The following ERN1 variants were observed in gnomAD, a reference collection of about 807,000 sequenced individuals.
The protein encoded by ERN1 is endoplasmic reticulum to nucleus signaling 1.
In ERN1, 39 loss-of-function variants were observed where a neutral mutation model predicts 113.1. The observed-to-expected ratio is 0.34, with a 90% CI of 0.27 to 0.45. The LOEUF (loss-of-function observed/expected upper bound fraction) is 0.45. ERN1 is among the 20% of genes least tolerant of loss of function. The pLI is 1.00. For missense variants in ERN1, 976 were observed against 1,274.8 expected, an observed-to-expected ratio of 0.77 and a Z score of 3.57; for synonymous variants, 507 against 515.9, an observed-to-expected ratio of 0.98 and a Z score of 0.23.
intron 2 of ERN1, among the ~76,000 whole-genome samples, chr17:64,097,347 A>AC (rs2143451815): frequency 6.6e-6 from 1 of 152,348 alleles, no homozygotes; most frequent in South Asian, 2.1e-4. Flanking sequence ...AAGGAAAAAC[A>AC]TTGGCTGTGC....
intron 2 of ERN1, chr17:64,097,813 T>C (rs931276250): frequency 3.9e-6 from 1 of 257,824 alleles, no homozygotes; most frequent in African/African-American, 2.2e-5. Context: ...TAGTGCAGCA[T>C]GTCTTCATAA....
intron 2 of ERN1, among the ~76,000 whole-genome samples, chr17:64,086,865 T>C (rs535024001): frequency 7.2e-5 from 11 of 152,058 alleles, no homozygotes; most frequent in Admixed American, 5.9e-4. Context: ...AGGCTGGTCT[T>C]GAATTCCTGA....
intron 2 of ERN1, among the ~76,000 whole-genome samples, chr17:64,094,381 T>A (rs1387318596): frequency 6.6e-6 from 1 of 152,230 alleles, no homozygotes; most frequent in Non-Finnish European, 1.5e-5. Context: ...AAAAAAATAC[T>A]TTCCTATTAT....
chr17:64,113,229 T>C (rs568592624), intron 1 of ERN1, among the ~76,000 whole-genome samples: 29 of 152,344 alleles, frequency 1.9e-4, no homozygotes, highest in African/African-American at 7.0e-4. Flanking sequence ...ATGAGAACTG[T>C]GCAGCTGTGT....
intron 1 of ERN1, among the ~76,000 whole-genome samples, chr17:64,119,305 T>A (rs1914888796): frequency 6.6e-6 from 1 of 151,502 alleles, no homozygotes; most frequent in Non-Finnish European, 1.5e-5. Context: ...TCCATTAAAT[T>A]ACCTGCTCTT....
intron 1 of ERN1, among the ~76,000 whole-genome samples, chr17:64,100,899 G>T (rs1914367187): frequency 6.6e-6 from 1 of 152,202 alleles, no homozygotes; most frequent in South Asian, 2.1e-4. Context: ...AAAGCAGCCT[G>T]AGAAGAAACA....
chr17:64,080,138 CAGGT>C (rs1913722734), intron 3 of ERN1, among the ~76,000 whole-genome samples: 1 of 152,162 alleles, frequency 6.6e-6, no homozygotes, highest in Admixed American at 6.5e-5. Flanking sequence ...GGTACATAAA[CAGGT>C]AGAACAAATC....
intron 15 of ERN1, chr17:64,053,940 C>G: frequency 3.6e-6 from 1 of 274,892 alleles, no homozygotes; most frequent in South Asian, 5.3e-5. Flanking sequence ...GTACAATTCA[C>G]TGTAACTTTT....
chr17:64,091,581 C>T (rs1232923237), intron 2 of ERN1, among the ~76,000 whole-genome samples: 2 of 152,170 alleles, frequency 1.3e-5, no homozygotes, highest in African/African-American at 2.4e-5. Flanking sequence ...AATGGGCTCA[C>T]CCTGCTTGAG....
At chr17:64,105,290 TAG>T (rs1365947091) in intron 1 of ERN1, among the ~76,000 whole-genome samples, 10 of 152,128 alleles carry the variant, frequency 6.6e-5, no homozygotes, top group Admixed American at 5.9e-4. Flanking sequence ...AAATTTTTTG[TAG>T]AGTCGGGAGT....
chr17:64,064,146 G>T lies in ERN1; in HGVS notation c.927C>A (p.Arg309=), dbSNP rs753180389. 2 of 1,594,328 alleles carry T rather than the reference G, an allele frequency of 1.3e-6. No individual in the cohort carries two copies. Among genetic ancestry groups the T allele is most frequent in the African/African-American group, 1.3e-5 (1 of 74,556 alleles). ...CTTCCAGCAAAGGAAGTGTGCTGCC[G>T]CGGGGCTGTGGAGAGGGTGCAGTGA... The part of the protein sequence containing the change: ...MVHEGVAVVP[R]GSTLPLLEGP... The change falls in exon 10 of 22, where the codon CGC becomes CGA. Residue 309 remains arginine (R), a synonymous_variant. Coordinates refer to ENST00000433197, the MANE Select transcript of ERN1 (RefSeq NM_001433.5).
chr17:64,056,484 A>T (rs1186760743), intron 12 of ERN1, among the ~76,000 whole-genome samples: 3 of 152,210 alleles, frequency 2.0e-5, no homozygotes, highest in Non-Finnish European at 4.4e-5. Context: ...CATAGCCAGG[A>T]GGTGGCAGTG....
intron 1 of ERN1, among the ~76,000 whole-genome samples, chr17:64,122,430 C>T (rs1273416666): frequency 1.3e-5 from 2 of 152,110 alleles, no homozygotes; most frequent in African/African-American, 4.8e-5. Flanking sequence ...ACTACATGGC[C>T]GAGAGCCCAT....
chr17:64,103,915 C>T (rs1914451699), intron 1 of ERN1, among the ~76,000 whole-genome samples: 2 of 152,220 alleles, frequency 1.3e-5, no homozygotes, highest in Admixed American at 1.3e-4. Flanking sequence ...GGGAGGCAAG[C>T]TCATCAGTGG....
intron 1 of ERN1, among the ~76,000 whole-genome samples, chr17:64,104,543 G>C (rs758353497): frequency 3.1e-4 from 47 of 152,190 alleles, no homozygotes; most frequent in Non-Finnish European, 6.2e-4. Context: ...TCAGGGCCAG[G>C]TGTGGTGGCT....
In ERN1 at chr17:64,054,630, A is replaced by T; in HGVS notation, c.1763+108T>A. The T allele has an allele frequency of 9.9e-7, 1 of 1,014,812 alleles. No individual in the cohort carries two copies. The highest frequency in any genetic ancestry group is 1.5e-6 in the Non-Finnish European group (1 of 688,246). 62.9% of individuals were successfully genotyped at this position (1,014,812 alleles called of 1,614,324 possible). On this transcript the variant is annotated intron_variant, in intron 14 of 21. Transcript: ENST00000433197. This position sits in a 1 kb window ranked among gnomAD's most constrained non-coding sequence, Gnocchi z 4.9. ...CCTGGAGGCCGGACTCCATGCGTCT[A>T]GGTCACTGCTTTGACCCTGCTGTGC...
intron 1 of ERN1, among the ~76,000 whole-genome samples, chr17:64,110,621 C>T (rs182600315): frequency 1.2e-4 from 19 of 152,278 alleles, no homozygotes; most frequent in Admixed American, 1.2e-3. Context: ...ATTTTAATGA[C>T]CAAGCATAAA....
rs987112722 is a variant in ERN1 at position 64,081,048 on chromosome 17, A to C, written c.176-240T>G. The stretch of plus-strand genomic sequence containing the variant: ...GATAGTTACTGAGGCTGGATAGAGA[A>C]CTGAGACCAGAACAGAACTGCTTTC... On this transcript the variant is annotated intron_variant, in intron 2 of 21. Transcript: ENST00000433197. 1.2e-4 allele frequency among the ~76,000 whole-genome samples: 18 copies of C among 152,236 alleles called. 1 individual carries two copies. Among genetic ancestry groups the C allele is most frequent in the Non-Finnish European group, 4.4e-5 (3 of 68,038 alleles).
Position 64,121,555 on chromosome 17 carries a change from TCTCA to T in ERN1, c.54+8417_54+8420del, listed in dbSNP as rs1273820871. Among the ~76,000 whole-genome samples, 5 of 152,148 alleles carry T rather than the reference TCTCA, an allele frequency of 3.3e-5. No individual in the cohort carries two copies. In the East Asian group the frequency reaches 7.7e-4, roughly 23 times the overall value. On this transcript the variant is annotated intron_variant, in intron 1 of 21. Coordinates refer to ENST00000433197, the MANE Select transcript of ERN1 (RefSeq NM_001433.5). The stretch of plus-strand genomic sequence containing the variant: ...CCCAGGCTGGAGTGCAATGGCAGGA[TCTCA>T]GCTCACTGCAACCTCCGCCTCCCAG...
Sources: allele counts gnomAD v4.1 joint callset (sites outside exome capture counted in the v4.1 genomes callset), GRCh38; gene constraint gnomAD v4.1.1; non-coding constraint Gnocchi (gnomAD v3.1); transcripts MANE v1.5; gene names NCBI Gene and HGNC (gene_info 2026-07-23, HGNC 2026-07-21).